Variants in CACNA1C observed in about 807,000 individuals in gnomAD.
The protein encoded by CACNA1C is calcium voltage-gated channel subunit alpha1 C.
CACNA1C carries 30 observed loss-of-function variants against 229.0 expected under a neutral mutation model. The observed-to-expected ratio is 0.13, with a 90% confidence interval of 0.10 to 0.18. The LOEUF is 0.18. Among genes scored for constraint, CACNA1C ranks in the 10% least tolerant of loss-of-function variants. The pLI is 1.00. For synonymous variants in CACNA1C, 1,114 were observed against 1,132.5 expected (o/e 0.98, Z 0.33); for missense variants, 1,658 against 2,845.0 (o/e 0.58, Z 9.49).
intron 1 of CACNA1C, among the ~76,000 whole-genome samples, chr12:2,006,354 G>C (rs1219224086): frequency 6.6e-6 from 1 of 152,162 alleles, no homozygotes; most frequent in Admixed American, 6.5e-5. Context: ...GTTGCAGTGA[G>C]CCGAGATCCT....
intron 3 of CACNA1C, among the ~76,000 whole-genome samples, chr12:2,249,449 C>G (rs936829555): frequency 6.6e-6 from 1 of 152,162 alleles, no homozygotes; most frequent in African/African-American, 2.4e-5. Context: ...AAATAAAATC[C>G]TAAAATATTT....
Position 2,673,912 on chromosome 12 carries a change from G to C in CACNA1C, c.4727-629G>C, listed in dbSNP as rs139892586. On this transcript the variant is annotated intron_variant, in intron 38 of 46. Coordinates refer to ENST00000399655, the MANE Select transcript of CACNA1C (RefSeq NM_000719.7). ...AGGGCTTTGGCAGCATGTGTACCCT[G>C]ATGAGGAGCATCTTAGAATCCTGTC... Among the ~76,000 whole-genome samples, 223 of 152,342 alleles carry C rather than the reference G, an allele frequency of 1.5e-3. 1 individual carries two copies. Among genetic ancestry groups the C allele is most frequent in the African/African-American group, 5.3e-3 (219 of 41,582 alleles).
At chr12:2,172,759 A>C (rs2370411) in intron 3 of CACNA1C, among the ~76,000 whole-genome samples, 31,940 of 152,256 alleles carry the variant, frequency 0.21, 3,672 homozygotes, top group South Asian at 0.34. Flanking sequence ...GGCACAAATA[A>C]GGGAATGAAG....
At position 2,231,240 on chromosome 12, in the gene CACNA1C, A is replaced by G. The variant is rs116559816; in HGVS notation, c.477+110810A>G. Among the ~76,000 whole-genome samples, 317 of 152,324 alleles carry G rather than the reference A, an allele frequency of 2.1e-3. 1 individual carries two copies. The highest frequency in any genetic ancestry group is 7.3e-3 in the African/African-American group (304 of 41,570). Reference sequence around the variant, plus strand: ...GAGTCCATGTGCAATCCATTTTTATATTCACCATAGTATCTAAGCCAGTGC... The same window carrying G: ...GAGTCCATGTGCAATCCATTTTTATGTTCACCATAGTATCTAAGCCAGTGC... On this transcript the variant is annotated intron_variant, in intron 3 of 46. Transcript: ENST00000399655.
At position 2,515,292 on chromosome 12, in the gene CACNA1C, A is replaced by C. The variant is rs562862257; in HGVS notation, c.1390+2308A>C. Among the ~76,000 whole-genome samples, 5 of 152,302 alleles carry C rather than the reference A, an allele frequency of 3.3e-5. No homozygotes were observed. In the South Asian group the frequency reaches 1.0e-3, roughly 32 times the overall value. On this transcript the variant is annotated intron_variant, in intron 9 of 46. Transcript: ENST00000399655. ...TGGGAAGAGACTGTGTCTGTTGGGG[A>C]AGTCCAATTAAAAGTAGAATTGATG...
chr12:2,309,550 T>A (rs575525915), intron 3 of CACNA1C, among the ~76,000 whole-genome samples: 112 of 152,204 alleles, frequency 7.4e-4, no homozygotes, highest in Middle Eastern at 6.8e-3. Flanking sequence ...ATTGTGGTAA[T>A]CATTTCACAG....
chr12:2,157,835 T>A (rs1032061570), intron 3 of CACNA1C, among the ~76,000 whole-genome samples: 3 of 151,896 alleles, frequency 2.0e-5, no homozygotes, highest in East Asian at 3.9e-4. Context: ...GAGGAAAACT[T>A]AAAAAAAACA....
At chr12:2,421,709 C>T (rs61907850) in intron 3 of CACNA1C, among the ~76,000 whole-genome samples, 14 of 152,104 alleles carry the variant, frequency 9.2e-5, no homozygotes, top group Non-Finnish European at 1.8e-4. Context: ...TTAGGAGATC[C>T]AGACCATCCT....
Position 2,666,072 on chromosome 12 carries a change from C to T in CACNA1C, c.4526+364C>T, listed in dbSNP as rs937812178. 2.0e-5 allele frequency among the ~76,000 whole-genome samples: 3 copies of T among 152,168 alleles called. No homozygotes were observed. The highest frequency in any genetic ancestry group is 6.5e-5 in the Admixed American group (1 of 15,282). On this transcript the variant is annotated intron_variant, in intron 36 of 46. Coordinates refer to ENST00000399655, the MANE Select transcript of CACNA1C (RefSeq NM_000719.7). The surrounding 1 kb of genome is among the most constrained non-coding windows in gnomAD (Gnocchi z 5.3). ...GACATGGTGGCACATGCCTATAATC[C>T]CAGCTACTCAGGAGGCCAAGGCATG...
chr12:2,070,707 A>G (rs2060859512), intron 1 of CACNA1C, among the ~76,000 whole-genome samples: 1 of 152,212 alleles, frequency 6.6e-6, no homozygotes. Context: ...GCAGTTTTAC[A>G]ATGATGTGTT....
At chr12:2,540,847 G>A (rs913857978) in intron 9 of CACNA1C, among the ~76,000 whole-genome samples, 2 of 152,154 alleles carry the variant, frequency 1.3e-5, no homozygotes, top group Non-Finnish European at 2.9e-5. Context: ...TGTCTTAGTC[G>A]GCCAGGGCTG....
rs12818233 is a variant in CACNA1C, at chr12:2,565,944, A to C, written c.1509-478A>C. Among the ~76,000 whole-genome samples the C allele has an allele frequency of 9.7e-3, 1,479 of 152,284 alleles. 6 individuals are homozygous for C. The highest frequency in any genetic ancestry group is 0.014 in the Non-Finnish European group (981 of 68,022). On this transcript the variant is annotated intron_variant, in intron 11 of 46. Coordinates refer to ENST00000399655, the MANE Select transcript of CACNA1C (RefSeq NM_000719.7). Reference sequence around the variant, plus strand: ...TCCCCAGCCCTGAGTTTTCTCCTCCACAAAAATCAGGATAATGCGTGCTTT... The same window carrying C: ...TCCCCAGCCCTGAGTTTTCTCCTCCCCAAAAATCAGGATAATGCGTGCTTT...
chr12:2,697,854 G>T lies in CACNA1C; in HGVS notation c.*6655G>T, dbSNP rs1187684223. The T allele has an allele frequency of 6.6e-6, 1 of 152,554 alleles. No homozygotes were observed. Among genetic ancestry groups the T allele is most frequent in the Admixed American group, 6.5e-5 (1 of 15,270 alleles). 9.5% of individuals were successfully genotyped at this position (152,554 alleles called of 1,614,324 possible). On this transcript the variant is annotated 3_prime_UTR_variant, in exon 47 of 47. Transcript: ENST00000399655. ...GTGTGAGACACTATTGTATATTCCT[G>T]TAAGATTGCATTTTTATCTAAGGAA...
rs778493788 is a variant in CACNA1C, at chr12:2,066,319, G to A, written c.49+12708G>A. Among the ~76,000 whole-genome samples the A allele has an allele frequency of 6.6e-5, 10 of 152,076 alleles. 1 individual carries two copies. Among genetic ancestry groups the A allele is most frequent in the Non-Finnish European group, 8.8e-5 (6 of 68,026 alleles). Reference sequence around the variant, plus strand: ...GGTGGAGCCATTGGGGAGAGAGAGAGCAGAGGGAAGGAACGATGGAGAGCT... The same window carrying A: ...GGTGGAGCCATTGGGGAGAGAGAGAACAGAGGGAAGGAACGATGGAGAGCT... On this transcript the variant is annotated intron_variant, in intron 1 of 46. Coordinates refer to ENST00000399655, the MANE Select transcript of CACNA1C (RefSeq NM_000719.7).
chr12:2,097,386 T>C (rs1302759139), intron 1 of CACNA1C, among the ~76,000 whole-genome samples: 6 of 152,006 alleles, frequency 3.9e-5, no homozygotes, highest in Admixed American at 3.9e-4. Flanking sequence ...GACCTTGTGA[T>C]CCGCCCGCCT....
At chr12:2,234,178 G>C (rs76086674) in intron 3 of CACNA1C, among the ~76,000 whole-genome samples, 11 of 152,118 alleles carry the variant, frequency 7.2e-5, no homozygotes, top group African/African-American at 2.7e-4. Flanking sequence ...GAAGTGTCCC[G>C]TGTCTCCTTT....
At chr12:2,607,217 C>G in intron 26 of CACNA1C, 87 bp downstream of exon 26, 1 of 1,378,324 alleles carries the variant, frequency 7.3e-7, no homozygotes, top group Middle Eastern at 1.9e-4. Context: ...TTGTTAATGT[C>G]CCGCACTCCC....
At chr12:2,159,120 G>A (rs1388306869) in intron 3 of CACNA1C, among the ~76,000 whole-genome samples, 1 of 152,148 alleles carries the variant, frequency 6.6e-6, no homozygotes, top group Non-Finnish European at 1.5e-5. Flanking sequence ...TTGTTGAGGG[G>A]CAGGTTGGGG....
In CACNA1C at chr12:2,691,662, A is replaced by AC. The variant is rs2097789900; in HGVS notation, c.*467dup. 6.4e-6 allele frequency: 1 copy of AC among 155,964 alleles called. No individual in the cohort carries two copies. Among genetic ancestry groups the AC allele is most frequent in the Non-Finnish European group, 1.4e-5 (1 of 70,508 alleles). The allele number at this position is 155,964 out of a possible 1,614,324, so 9.7% of individuals were successfully genotyped here. A position where few individuals can be genotyped will look rare whatever the true frequency, so the allele number is the denominator to read the frequency against. On this transcript the variant is annotated 3_prime_UTR_variant, in exon 47 of 47. Coordinates refer to ENST00000399655, the MANE Select transcript of CACNA1C (RefSeq NM_000719.7). ...GGAGCGGGGCAGGACTTCCAGGAGGACCCCAACCCGGCCCGGAGAGGGAGG... is the reference window on the plus strand; with the variant it reads ...GGAGCGGGGCAGGACTTCCAGGAGGACCCCCAACCCGGCCCGGAGAGGGAGG...
Sources: allele counts gnomAD v4.1 joint callset (sites outside exome capture counted in the v4.1 genomes callset), GRCh38; gene constraint gnomAD v4.1.1; non-coding constraint Gnocchi (gnomAD v3.1); transcripts MANE v1.5; gene names NCBI Gene and HGNC (gene_info 2026-07-23, HGNC 2026-07-21).